Variants in EFHC2 observed in about 807,000 individuals in gnomAD.
EFHC2 encodes EF-hand domain-containing family member C2.
In EFHC2, 18 loss-of-function variants were observed where a neutral mutation model predicts 52.7. The observed-to-expected ratio is 0.34, with a 90% CI of 0.24 to 0.51. EFHC2 has a LOEUF of 0.51. EFHC2 is among the 20% of genes least tolerant of loss of function. The pLI is 0.97. For missense variants in EFHC2, 513 were observed against 562.5 expected, an observed-to-expected ratio of 0.91 and a Z score of 0.89; for synonymous variants, 203 against 204.1, an observed-to-expected ratio of 0.99 and a Z score of 0.04.
chrX:44,306,036 T>A lies in EFHC2; in HGVS notation c.231+6532A>T, dbSNP rs777320062. ...ACTGAATTAAGAAGTGGACCCCATA[T>A]GGCAGGATCCAGGAACCAAAGAGAT... On this transcript the variant is annotated intron_variant, in intron 2 of 14. Transcript: ENST00000420999. Among the ~76,000 whole-genome samples the A allele has an allele frequency of 4.5e-5, 5 of 111,378 alleles. No individual in the cohort carries two copies. In the South Asian group the frequency reaches 1.9e-3, roughly 43 times the overall value.
chrX:44,163,314 A>T (rs1290303777), intron 14 of EFHC2, among the ~76,000 whole-genome samples: 1 of 111,789 alleles, frequency 8.9e-6, no homozygotes, highest in Non-Finnish European at 1.9e-5. Flanking sequence ...CAAACAAACC[A>T]CCACCCACCC....
At chrX:44,319,937 A>T (rs1385967722) in intron 1 of EFHC2, among the ~76,000 whole-genome samples, 3 of 109,189 alleles carry the variant, frequency 2.7e-5, no homozygotes, top group Non-Finnish European at 5.7e-5. Context: ...TATTTTTTTT[A>T]TTTTTTTATT....
At chrX:44,252,431 G>A (rs749490793) in intron 4 of EFHC2, among the ~76,000 whole-genome samples, 1 of 111,991 alleles carries the variant, frequency 8.9e-6, no homozygotes, top group Non-Finnish European at 1.9e-5. Flanking sequence ...AGACATGATG[G>A]CTTTCCAAAG....
intron 8 of EFHC2, among the ~76,000 whole-genome samples, chrX:44,236,263 G>A (rs1393674911): frequency 1.8e-5 from 2 of 112,184 alleles, no homozygotes; most frequent in Non-Finnish European, 3.8e-5. Flanking sequence ...AGAATTAAAA[G>A]TTACCAAAGC....
At chrX:44,263,869 C>T (rs1013874968) in intron 3 of EFHC2, among the ~76,000 whole-genome samples, 4 of 111,487 alleles carry the variant, frequency 3.6e-5, no homozygotes, top group African/African-American at 1.3e-4. Context: ...AGCAAGTTAG[C>T]GATGATTTTT....
In EFHC2 at chrX:44,301,093, G is replaced by C. The variant is rs185303825; in HGVS notation, c.231+11475C>G. ...CCACTGCACTCCAGCATGGGTGATA[G>C]AGTGAGACTCTATCTCAAAAAAAAA... On this transcript the variant is annotated intron_variant, in intron 2 of 14. Transcript: ENST00000420999. Among the ~76,000 whole-genome samples the C allele has an allele frequency of 2.3e-3, 228 of 98,534 alleles. 1 individual carries two copies. Among genetic ancestry groups the C allele is most frequent in the East Asian group, 0.018 (55 of 3,092 alleles). The allele number at this position is 98,534 out of a possible 115,157, so 85.6% of individuals were successfully genotyped here.
intron 14 of EFHC2, among the ~76,000 whole-genome samples, chrX:44,160,332 T>C (rs1388187555): frequency 9.1e-6 from 1 of 109,860 alleles, no homozygotes; most frequent in Non-Finnish European, 1.9e-5. Flanking sequence ...AAAGAGGTGG[T>C]GGGGAATGAG....
rs1325437732 is a variant in EFHC2 at position 44,343,535 on chromosome X, C to G, written c.42+12G>C. 1.7e-6 allele frequency: 2 copies of G among 1,192,410 alleles called. No homozygotes were observed. Among genetic ancestry groups the G allele is most frequent in the Non-Finnish European group, 2.3e-6 (2 of 885,864 alleles). ...GCCGGGAGCTGTGACCTCGGACGCCCTTCCTACTCACGTTGCGGTTGAAGC... is the reference window on the plus strand; with the variant it reads ...GCCGGGAGCTGTGACCTCGGACGCCGTTCCTACTCACGTTGCGGTTGAAGC... On this transcript the variant is annotated intron_variant, in intron 1 of 14. Transcript: ENST00000420999.
At chrX:44,329,687 C>T (rs1238755723) in intron 1 of EFHC2, among the ~76,000 whole-genome samples, 2 of 109,422 alleles carry the variant, frequency 1.8e-5, no homozygotes, top group Non-Finnish European at 3.8e-5. Flanking sequence ...ACTGCAGCCT[C>T]CATCTCTCAG....
At position 44,242,506 on chromosome X, in the gene EFHC2, T is replaced by TA. The variant is rs199945466; in HGVS notation, c.1112-218dup. Among the ~76,000 whole-genome samples, 695 of 97,698 alleles carry TA rather than the reference T, an allele frequency of 7.1e-3. 5 individuals are homozygous for TA. Among genetic ancestry groups the TA allele is most frequent in the East Asian group, 0.036 (113 of 3,147 alleles). The allele number at this position is 97,698 out of a possible 115,157, so 84.8% of individuals were successfully genotyped here. A position where few individuals can be genotyped will look rare whatever the true frequency, so the allele number is the denominator to read the frequency against. On this transcript the variant is annotated intron_variant, in intron 7 of 14. Transcript: ENST00000420999. ...TAATAATCACCATTGGTTCAAAAGT[T>TA]AAAAAAAAAAAAAAGAATCTATGTC...
intron 8 of EFHC2, among the ~76,000 whole-genome samples, chrX:44,236,606 C>T (rs1373398851): frequency 8.9e-6 from 1 of 112,116 alleles, no homozygotes; most frequent in Non-Finnish European, 1.9e-5. Context: ...TACAAGAATC[C>T]GGGCTGAAAA....
At chrX:44,305,038 G>A (rs2037894922) in intron 2 of EFHC2, among the ~76,000 whole-genome samples, 1 of 110,132 alleles carries the variant, frequency 9.1e-6, no homozygotes, top group African/African-American at 3.3e-5. Context: ...GAGGGGGGTG[G>A]ATTACCTGAG....
chrX:44,302,700 A>ACAAATGTAT (rs1236508052), intron 2 of EFHC2, among the ~76,000 whole-genome samples: 3 of 112,197 alleles, frequency 2.7e-5, no homozygotes, highest in African/African-American at 9.7e-5. Context: ...GATGTAAAAC[A>ACAAATGTAT]TGGGATTAAA....
At chrX:44,211,731 G>A (rs2037098215) in intron 11 of EFHC2, among the ~76,000 whole-genome samples, 1 of 106,375 alleles carries the variant, frequency 9.4e-6, no homozygotes, top group African/African-American at 3.4e-5. Flanking sequence ...AATTAGCTGG[G>A]CGTGGTGGCG....
intron 2 of EFHC2, among the ~76,000 whole-genome samples, chrX:44,288,220 T>A (rs971396987): frequency 4.5e-5 from 5 of 110,568 alleles, no homozygotes; most frequent in African/African-American, 1.6e-4. Flanking sequence ...AAACTCAGAT[T>A]GTCAAAAGCC....
At chrX:44,340,301 A>G (rs935343031) in intron 1 of EFHC2, among the ~76,000 whole-genome samples, 60 of 111,730 alleles carry the variant, frequency 5.4e-4, no homozygotes, top group African/African-American at 1.9e-3. Flanking sequence ...ACAACCCAGT[A>G]AACATTAGAC....
chrX:44,153,655 T>C (rs2036586366), intron 14 of EFHC2, among the ~76,000 whole-genome samples: 1 of 111,351 alleles, frequency 9.0e-6, no homozygotes, highest in Admixed American at 9.6e-5. Flanking sequence ...ATCAATTAAG[T>C]AGAGGGAAAG....
intron 11 of EFHC2, among the ~76,000 whole-genome samples, chrX:44,204,452 A>G (rs2037031870): frequency 8.9e-6 from 1 of 111,786 alleles, no homozygotes; most frequent in Non-Finnish European, 1.9e-5. Context: ...ATCCAAGAGA[A>G]AGTTGAAATC....
Position 44,250,309 on chromosome X carries a change from T to G in EFHC2, c.743A>C (p.Glu248Ala), listed in dbSNP as rs766452720. ...ACACAAGAAGTAATGCAGGATGAGT[T>G]CTCTACGGTCTCCAAACATTGAGAC... ...DSVSMFGDRR[E>A]LILHYFLCDD... The change falls in exon 5 of 15, where the codon GAA becomes GCA. Residue 248 changes from glutamate (E) to alanine (A), a missense_variant. By Grantham distance (107) the Glu-to-Ala change is moderately radical. Coordinates refer to ENST00000420999, the MANE Select transcript of EFHC2 (RefSeq NM_025184.4). 4 of 1,210,831 alleles carry G rather than the reference T, an allele frequency of 3.3e-6. No homozygotes were observed. In the Admixed American group the frequency reaches 6.5e-5, roughly 20 times the overall value.
Sources: allele counts gnomAD v4.1 joint callset (sites outside exome capture counted in the v4.1 genomes callset), GRCh38; gene constraint gnomAD v4.1.1; transcripts MANE v1.5; gene names NCBI Gene and HGNC (gene_info 2026-07-23, HGNC 2026-07-21).